Variants in PIK3R3 observed in about 807,000 individuals in gnomAD.
The protein encoded by PIK3R3 is phosphoinositide-3-kinase regulatory subunit 3.
In PIK3R3, 64 loss-of-function variants were observed where a neutral mutation model predicts 62.9. The observed-to-expected ratio is 1.02, with a 90% CI of 0.83 to 1.25. PIK3R3 has a LOEUF of 1.25. Ranked by LOEUF, PIK3R3 falls within the 50% of genes most tolerant of loss-of-function variation. The pLI, the probability that PIK3R3 is intolerant of heterozygous loss-of-function variation, is 0.00. For synonymous variants in PIK3R3, 165 were observed against 189.0 expected, an observed-to-expected ratio of 0.87 and a Z score of 1.04; for missense variants, 614 against 561.6, an observed-to-expected ratio of 1.09 and a Z score of -0.94.
chr1:46,125,783 CAG>C (rs1346127194), intron 1 of PIK3R3, among the ~76,000 whole-genome samples: 4 of 148,764 alleles, frequency 2.7e-5, no homozygotes, highest in Non-Finnish European at 4.5e-5. Flanking sequence ...TTTCTTGAGA[CAG>C]AGTCTTACTC....
At chr1:46,095,487 C>T (rs989200232) in intron 1 of PIK3R3, among the ~76,000 whole-genome samples, 4 of 152,110 alleles carry the variant, frequency 2.6e-5, no homozygotes, top group Non-Finnish European at 5.9e-5. Flanking sequence ...CAGGGAACAA[C>T]ACACTCTGGG....
rs1408123148 is a variant in PIK3R3 at position 46,043,035 on chromosome 1, ACTT to A, written c.*635_*637del. The A allele has an allele frequency of 4.4e-6, 1 of 224,766 alleles. No individual in the cohort carries two copies. Among genetic ancestry groups the A allele is most frequent in the Non-Finnish European group, 8.9e-6 (1 of 112,508 alleles). 13.9% of individuals were successfully genotyped at this position (224,766 alleles called of 1,614,324 possible). On this transcript the variant is annotated 3_prime_UTR_variant, in exon 10 of 10. Transcript: ENST00000262741. ...TGTTTTGTTGGCTTCTGAACATAAT[ACTT>A]CTTCAGAGGGAGGGGCTGGTGAGAT...
At chr1:46,145,138 A>G in the PIK3R3 span, among the ~76,000 whole-genome samples, 3,282 of 151,550 alleles carry the variant, frequency 0.022, 115 homozygotes, top group African/African-American at 0.072. Context: ...AAAAAAAAAA[A>G]AAGAAGAAGA....
intron 1 of PIK3R3, among the ~76,000 whole-genome samples, chr1:46,095,536 A>C (rs1652038436): frequency 6.6e-6 from 1 of 152,184 alleles, no homozygotes; most frequent in African/African-American, 2.4e-5. Flanking sequence ...GAGCATCAGG[A>C]GGAATAGCTA....
the PIK3R3 span, among the ~76,000 whole-genome samples, chr1:46,169,617 G>C: frequency 6.6e-6 from 1 of 152,160 alleles, no homozygotes; most frequent in African/African-American, 2.4e-5. Context: ...CACACAGCAG[G>C]TATAAGTAGG....
Position 46,043,666 on chromosome 1 carries a change from T to G in PIK3R3, c.*7A>C. On this transcript the variant is annotated 3_prime_UTR_variant, in exon 10 of 10. Transcript: ENST00000262741. ...GCCAGAGAACCACCTCTCTTCCCAC[T>G]TCCTCTTTATCTGCAAAGCGAGGGC... is the stretch of plus-strand genomic sequence containing the variant. The G allele has an allele frequency of 6.2e-7, 1 of 1,613,542 alleles. No homozygotes were observed. The highest frequency in any genetic ancestry group is 8.5e-7 in the Non-Finnish European group (1 of 1,179,476).
the PIK3R3 span, among the ~76,000 whole-genome samples, chr1:46,160,788 G>A: frequency 2.0e-5 from 3 of 152,284 alleles, no homozygotes; most frequent in Non-Finnish European, 4.4e-5. Flanking sequence ...TGTCATGATT[G>A]GCCAAGATAG....
At chr1:46,087,878 C>A (rs1651236816) in intron 1 of PIK3R3, among the ~76,000 whole-genome samples, 2 of 152,138 alleles carry the variant, frequency 1.3e-5, no homozygotes, top group South Asian at 4.1e-4. Context: ...TATTATGATT[C>A]TTCCTACATG....
chr1:46,071,759 A>AGAGAGAGGGAGAGAGAGAGAGAGAGC (rs777668187), intron 3 of PIK3R3, among the ~76,000 whole-genome samples: 2 of 100,126 alleles, frequency 2.0e-5, no homozygotes, highest in South Asian at 3.2e-4. Flanking sequence ...AGAGAGAGAG[A>AGAGAGAGGGAGAGAGAGAGAGAGAGC]GCGCGCGCCT....
chr1:46,174,386 C>T, the PIK3R3 span, among the ~76,000 whole-genome samples: 1 of 152,052 alleles, frequency 6.6e-6, no homozygotes, highest in African/African-American at 2.4e-5. Context: ...TCTGCCTCAA[C>T]CCCCCTCAGG....
Position 46,077,579 on chromosome 1 carries a change from C to G in PIK3R3, c.250G>C (p.Asp84His), listed in dbSNP as rs768436728. Reference sequence around the variant, plus strand: ...GCATCTCGGACCAAGAAGGTCCCATCTGGCATATCCCGCAATTTGTCATTT... The same window carrying G: ...GCATCTCGGACCAAGAAGGTCCCATGTGGCATATCCCGCAATTTGTCATTT... ...EVNDKLRDMP[D>H]GTFLVRDAST... Residue 84 changes from aspartate (D) to histidine (H), a missense_variant, in exon 3 of 10, where the codon GAT becomes CAT. By Grantham distance (81) the Asp-to-His change is moderately conservative. Transcript: ENST00000262741. 2.5e-6 allele frequency: 4 copies of G among 1,611,822 alleles called. No homozygotes were observed. The highest frequency in any genetic ancestry group is 3.4e-6 in the Non-Finnish European group (4 of 1,177,956).
intron 5 of PIK3R3, among the ~76,000 whole-genome samples, chr1:46,063,667 A>G (rs1321608842): frequency 6.6e-6 from 1 of 152,152 alleles, no homozygotes; most frequent in African/African-American, 2.4e-5. Flanking sequence ...ACCTGCCACC[A>G]AAACTATAAA....
chr1:46,101,979 A>AT (rs1430966498), intron 1 of PIK3R3, among the ~76,000 whole-genome samples: 9 of 86,718 alleles, frequency 1.0e-4, no homozygotes, highest in African/African-American at 3.7e-4. Flanking sequence ...TGAATTGTAT[A>AT]CTTTTTTTTT....
intron 1 of PIK3R3, among the ~76,000 whole-genome samples, chr1:46,092,732 C>T (rs371126134): frequency 7.9e-5 from 12 of 152,296 alleles, no homozygotes; most frequent in African/African-American, 2.2e-4. Context: ...CTCCAATTTA[C>T]AGCAATACTA....
At chr1:46,156,016 C>T in the PIK3R3 span, among the ~76,000 whole-genome samples, 1 of 152,020 alleles carries the variant, frequency 6.6e-6, no homozygotes, top group Non-Finnish European at 1.5e-5. Context: ...TTGTCGACCC[C>T]TGGTTTAGTA....
At chr1:46,105,731 G>A (rs754232554) in intron 1 of PIK3R3, among the ~76,000 whole-genome samples, 106 of 147,202 alleles carry the variant, frequency 7.2e-4, no homozygotes, top group Non-Finnish European at 1.3e-3. Flanking sequence ...TGAGGCATGA[G>A]AATCGCTTGA....
chr1:46,169,881 A>G, the PIK3R3 span, among the ~76,000 whole-genome samples: 1 of 152,222 alleles, frequency 6.6e-6, no homozygotes, highest in Non-Finnish European at 1.5e-5. Flanking sequence ...AACCAGCCCC[A>G]AAGATTGGAC....
chr1:46,131,690 G>T, intron 1 of PIK3R3, 157 bp downstream of exon 1: 1 of 566,904 alleles, frequency 1.8e-6, no homozygotes, highest in Non-Finnish European at 3.2e-6. Context: ...CTTTAAACGT[G>T]TAAACCAGAA....
the PIK3R3 span, among the ~76,000 whole-genome samples, chr1:46,151,588 A>T: frequency 6.6e-6 from 1 of 152,150 alleles, no homozygotes; most frequent in African/African-American, 2.4e-5. Context: ...GCAAATAATA[A>T]TAATAAAGAC....
Sources: allele counts gnomAD v4.1 joint callset (sites outside exome capture counted in the v4.1 genomes callset), GRCh38; gene constraint gnomAD v4.1.1; transcripts MANE v1.5; gene names NCBI Gene and HGNC (gene_info 2026-07-23, HGNC 2026-07-21).